The following NTNG1 variants were observed in gnomAD, a reference collection of about 807,000 sequenced individuals.
NTNG1 encodes the protein netrin G1.
In NTNG1, 16 loss-of-function variants were observed where a neutral mutation model predicts 54.0. That is an observed-to-expected ratio of 0.30 (90% CI 0.20 to 0.45). The LOEUF is 0.45. NTNG1 is among the 20% of genes least tolerant of loss of function. The pLI, the probability that NTNG1 is intolerant of heterozygous loss-of-function variation, is 1.00. For missense variants in NTNG1, 530 were observed against 678.7 expected, an observed-to-expected ratio of 0.78 and a Z score of 2.43; for synonymous variants, 255 against 263.1, an observed-to-expected ratio of 0.97 and a Z score of 0.30.
intron 2 of NTNG1, among the ~76,000 whole-genome samples, chr1:107,191,887 C>A (rs1657969976): frequency 6.6e-6 from 1 of 152,030 alleles, no homozygotes; most frequent in Non-Finnish European, 1.5e-5. Flanking sequence ...GTTCTTTTGG[C>A]TTAGGATTGA....
At chr1:107,206,712 G>T (rs2101340407) in intron 2 of NTNG1, among the ~76,000 whole-genome samples, 1 of 152,256 alleles carries the variant, frequency 6.6e-6, no homozygotes, top group East Asian at 1.9e-4. Context: ...AAATTTAAAA[G>T]ATCTTAAGTA....
intron 2 of NTNG1, among the ~76,000 whole-genome samples, chr1:107,246,196 C>T (rs972414355): frequency 6.6e-6 from 1 of 152,054 alleles, no homozygotes; most frequent in Non-Finnish European, 1.5e-5. Flanking sequence ...GGACTACAGG[C>T]ACCTGCCACC....
At chr1:107,463,010 A>G (rs1237077132) in intron 7 of NTNG1, among the ~76,000 whole-genome samples, 1 of 152,212 alleles carries the variant, frequency 6.6e-6, no homozygotes, top group Non-Finnish European at 1.5e-5. Context: ...GAGACAAACT[A>G]TACCAGCCTA....
intron 2 of NTNG1, among the ~76,000 whole-genome samples, chr1:107,150,038 G>A (rs977122449): frequency 6.6e-6 from 1 of 152,248 alleles, no homozygotes. Flanking sequence ...GCAATAAAGA[G>A]TGTTTTCACC....
chr1:107,192,134 G>T (rs1246895982), intron 2 of NTNG1, among the ~76,000 whole-genome samples: 1 of 152,056 alleles, frequency 6.6e-6, no homozygotes, highest in African/African-American at 2.4e-5. Context: ...TCCTTGAAGA[G>T]GTCCTTGACA....
At chr1:107,331,921 T>G (rs1413097043) in intron 3 of NTNG1, among the ~76,000 whole-genome samples, 2 of 152,036 alleles carry the variant, frequency 1.3e-5, no homozygotes, top group Admixed American at 6.6e-5. Flanking sequence ...TTTACTCTCC[T>G]TTTAAAAGGC....
At chr1:107,240,018 G>T (rs1661712936) in intron 2 of NTNG1, among the ~76,000 whole-genome samples, 1 of 152,186 alleles carries the variant, frequency 6.6e-6, no homozygotes, top group African/African-American at 2.4e-5. Context: ...TGGCTACCAT[G>T]TTGGACATCA....
chr1:107,169,528 T>C (rs1656060204), intron 2 of NTNG1, among the ~76,000 whole-genome samples: 1 of 151,986 alleles, frequency 6.6e-6, no homozygotes, highest in South Asian at 2.1e-4. Context: ...CAAGCAGGAG[T>C]AGGGAACCTC....
At chr1:107,431,582 C>T (rs906163014) in intron 6 of NTNG1, among the ~76,000 whole-genome samples, 2 of 152,116 alleles carry the variant, frequency 1.3e-5, no homozygotes, top group African/African-American at 4.8e-5. Flanking sequence ...TTTCCCTTCC[C>T]TCCCCACCAA....
At chr1:107,311,084 T>C (rs1301214278) in intron 2 of NTNG1, among the ~76,000 whole-genome samples, 1 of 152,132 alleles carries the variant, frequency 6.6e-6, no homozygotes, top group African/African-American at 2.4e-5. Flanking sequence ...AATAAAGTTT[T>C]GTTCCTTGTT....
At chr1:107,371,936 A>G (rs116608172) in intron 3 of NTNG1, among the ~76,000 whole-genome samples, 1,800 of 152,098 alleles carry the variant, frequency 0.012, 27 homozygotes, top group African/African-American at 0.041. Context: ...AAATACTCCA[A>G]TGAGTATTTC....
chr1:107,140,118 G>GCAGCTGCAGCCGGAGCAGCAC (rs1557752503), upstream of NTNG1: 3 of 154,778 alleles, frequency 1.9e-5, no homozygotes, highest in African/African-American at 7.2e-5. Context: ...TGGAGCGGCA[G>GCAGCTGCAGCCGGAGCAGCAC]CAGCTGCAGC....
chr1:107,259,985 T>C (rs12060144), intron 2 of NTNG1, among the ~76,000 whole-genome samples: 147,382 of 152,286 alleles, frequency 0.97, 71,475 homozygotes, highest in Non-Finnish European at 1. Flanking sequence ...AGGGACACCA[T>C]AGAGCCGAGA....
intron 3 of NTNG1, among the ~76,000 whole-genome samples, chr1:107,345,725 C>T (rs886821509): frequency 1.3e-5 from 2 of 152,108 alleles, no homozygotes; most frequent in African/African-American, 2.4e-5. Flanking sequence ...AACTAATCCC[C>T]ATAAGAAAAG....
intron 7 of NTNG1, among the ~76,000 whole-genome samples, chr1:107,438,197 A>G (rs1420672947): frequency 6.6e-6 from 1 of 152,176 alleles, no homozygotes; most frequent in African/African-American, 2.4e-5. Context: ...ATGGGCAGCA[A>G]TGAGCTCTGG....
chr1:107,375,679 C>T (rs1033780872), intron 3 of NTNG1, among the ~76,000 whole-genome samples: 1 of 152,188 alleles, frequency 6.6e-6, no homozygotes, highest in East Asian at 1.9e-4. Flanking sequence ...TTACAACCCA[C>T]AATGAAACCC....
At chr1:107,237,770 A>C (rs1456098245) in intron 2 of NTNG1, among the ~76,000 whole-genome samples, 11 of 152,188 alleles carry the variant, frequency 7.2e-5, no homozygotes. Context: ...TGAGCCTGCA[A>C]ATGCACAGAA....
At chr1:107,202,151 A>G (rs1387734665) in intron 2 of NTNG1, among the ~76,000 whole-genome samples, 1 of 151,688 alleles carries the variant, frequency 6.6e-6, no homozygotes, top group Non-Finnish European at 1.5e-5. Context: ...ATTTTGCTTT[A>G]GACATGTCTC....
chr1:107,198,723 C>A (rs1337015447), intron 2 of NTNG1, among the ~76,000 whole-genome samples: 2 of 151,778 alleles, frequency 1.3e-5, no homozygotes, highest in African/African-American at 4.8e-5. Flanking sequence ...CTCTTTGGGT[C>A]TCAGTTTTCT....
Sources: allele counts gnomAD v4.1 joint callset (sites outside exome capture counted in the v4.1 genomes callset), GRCh38; gene constraint gnomAD v4.1.1; transcripts MANE v1.5; gene names NCBI Gene and HGNC (gene_info 2026-07-23, HGNC 2026-07-21).